HSD17B12: variants seen among roughly 807,000 people sequenced by gnomAD.
HSD17B12 encodes very-long-chain 3-oxoacyl-CoA reductase.
HSD17B12 carries 32 observed loss-of-function variants against 39.3 expected under a neutral mutation model. That is an observed-to-expected ratio of 0.81 (90% CI 0.61 to 1.09). The LOEUF (loss-of-function observed/expected upper bound fraction) is 1.09. HSD17B12 is among the 50% of genes least tolerant of loss of function. The pLI, the probability that HSD17B12 is intolerant of heterozygous loss-of-function variation, is 0.00. For synonymous variants in HSD17B12, 150 were observed against 146.7 expected (o/e 1.02, Z -0.16); for missense variants, 342 against 382.9 (o/e 0.89, Z 0.89).
chr11:43,635,732 A>G, the HSD17B12 span, among the ~76,000 whole-genome samples: 2 of 152,264 alleles, frequency 1.3e-5, no homozygotes, highest in South Asian at 4.1e-4. Flanking sequence ...AACATAAACT[A>G]TACCAAGATG....
chr11:43,661,641 C>G, the HSD17B12 span, among the ~76,000 whole-genome samples: 3 of 152,076 alleles, frequency 2.0e-5, no homozygotes, highest in African/African-American at 7.2e-5. Context: ...AGTGAGACCC[C>G]ATTCTCCACA....
At chr11:43,606,336 C>G in the HSD17B12 span, among the ~76,000 whole-genome samples, 19 of 152,192 alleles carry the variant, frequency 1.2e-4, no homozygotes, top group Admixed American at 2.6e-4. Flanking sequence ...CTAAAGTGGC[C>G]CTACTTCAGG....
chr11:43,746,728 G>A (rs1236304030), intron 1 of HSD17B12, among the ~76,000 whole-genome samples: 1 of 152,188 alleles, frequency 6.6e-6, no homozygotes, highest in Admixed American at 6.5e-5. Flanking sequence ...ATAATTGTAT[G>A]TGTTCTACTT....
chr11:43,675,620 A>C, the HSD17B12 span, among the ~76,000 whole-genome samples: 41 of 152,282 alleles, frequency 2.7e-4, no homozygotes, highest in East Asian at 6.9e-3. Flanking sequence ...AAAAAAAAAA[A>C]AACCCTCTAG....
chr11:43,662,294 G>A, the HSD17B12 span, among the ~76,000 whole-genome samples: 1 of 150,652 alleles, frequency 6.6e-6, no homozygotes, highest in Non-Finnish European at 1.5e-5. Flanking sequence ...CGCTTCCTGG[G>A]TTCAGACAGT....
chr11:43,591,794 A>G, the HSD17B12 span, among the ~76,000 whole-genome samples: 1 of 152,006 alleles, frequency 6.6e-6, no homozygotes, highest in Non-Finnish European at 1.5e-5. Context: ...AAAGATCATC[A>G]TTTAATTAGA....
intron 3 of HSD17B12, chr11:43,754,882 C>A (rs370232082): frequency 3.9e-6 from 3 of 760,270 alleles, no homozygotes; most frequent in Non-Finnish European, 7.2e-6. Flanking sequence ...GGCAATTATA[C>A]TTGAGACCTG....
At chr11:43,658,078 GGA>G in the HSD17B12 span, among the ~76,000 whole-genome samples, 1 of 152,234 alleles carries the variant, frequency 6.6e-6, no homozygotes, top group Admixed American at 6.5e-5. Flanking sequence ...CATATTTCTT[GGA>G]GGCTTTGTTC....
intron 9 of HSD17B12, among the ~76,000 whole-genome samples, chr11:43,847,108 GGTGTGAGTAACTCC>G (rs1951483691): frequency 2.0e-5 from 3 of 152,094 alleles, no homozygotes; most frequent in Non-Finnish European, 4.4e-5. Context: ...TACTGATCTT[GGTGTGAGTAACTCC>G]GTCTGCAGTG....
intron 3 of HSD17B12, among the ~76,000 whole-genome samples, chr11:43,778,848 G>A (rs1026430702): frequency 2.0e-5 from 3 of 152,076 alleles, no homozygotes; most frequent in African/African-American, 7.2e-5. Context: ...CTCTTTACAA[G>A]TATACATACC....
At chr11:43,571,004 G>C in the HSD17B12 span, among the ~76,000 whole-genome samples, 1 of 152,064 alleles carries the variant, frequency 6.6e-6, no homozygotes, top group Non-Finnish European at 1.5e-5. Context: ...ATGTCCCCCA[G>C]CCTATACTTA....
chr11:43,797,432 T>C (rs748425209), intron 3 of HSD17B12, among the ~76,000 whole-genome samples: 2 of 152,230 alleles, frequency 1.3e-5, no homozygotes, highest in African/African-American at 2.4e-5. Flanking sequence ...AGGTATCATG[T>C]GAGCCTCACA....
chr11:43,691,608 A>G (rs1949863603), intron 1 of HSD17B12, among the ~76,000 whole-genome samples: 1 of 152,182 alleles, frequency 6.6e-6, no homozygotes, highest in South Asian at 2.1e-4. Flanking sequence ...CGCAAGTTTA[A>G]TCTACCAGTG....
chr11:43,730,744 C>G (rs1241958356), intron 1 of HSD17B12, among the ~76,000 whole-genome samples: 1 of 152,086 alleles, frequency 6.6e-6, no homozygotes, highest in African/African-American at 2.4e-5. Context: ...TGTGCTGGGC[C>G]TCAGCATCAG....
the HSD17B12 span, among the ~76,000 whole-genome samples, chr11:43,643,558 G>C: frequency 6.6e-6 from 1 of 152,108 alleles, no homozygotes; most frequent in African/African-American, 2.4e-5. Flanking sequence ...TATCAAGAGA[G>C]TGAAAGGGAA....
At chr11:43,571,473 C>T in the HSD17B12 span, among the ~76,000 whole-genome samples, 1 of 152,202 alleles carries the variant, frequency 6.6e-6, no homozygotes, top group South Asian at 2.1e-4. Flanking sequence ...CTGAGTGACT[C>T]TCTAGGTTCT....
At chr11:43,567,198 C>T in the HSD17B12 span, among the ~76,000 whole-genome samples, 1 of 152,174 alleles carries the variant, frequency 6.6e-6, no homozygotes, top group Non-Finnish European at 1.5e-5. Flanking sequence ...CCTTTAATGG[C>T]TGTCACTCTA....
chr11:43,631,320 TAA>T, the HSD17B12 span, among the ~76,000 whole-genome samples: 3 of 152,144 alleles, frequency 2.0e-5, no homozygotes, highest in African/African-American at 7.2e-5. Context: ...TATAAGTATT[TAA>T]TAAGAGAGCT....
At chr11:43,785,971 A>G (rs72892485) in intron 3 of HSD17B12, among the ~76,000 whole-genome samples, 17,375 of 152,226 alleles carry the variant, frequency 0.11, 1,164 homozygotes, top group Middle Eastern at 0.18. Flanking sequence ...TTTTCTCTTA[A>G]GCTGATGGGG....
Sources: gnomAD v4.1 joint callset for allele counts (sites outside exome capture counted in the v4.1 genomes callset) on GRCh38, gnomAD v4.1.1 for gene constraint, MANE v1.5 for transcripts, NCBI Gene and HGNC (gene_info 2026-07-23, HGNC 2026-07-21) for gene names.